ZC3H7B: variants seen among roughly 807,000 people sequenced by gnomAD.
The protein encoded by ZC3H7B is zinc finger CCCH domain-containing protein 7B.
A neutral mutation model predicts 116.0 loss-of-function variants in ZC3H7B; 35 were observed. That is an observed-to-expected ratio of 0.30 (90% CI 0.23 to 0.40). The LOEUF (loss-of-function observed/expected upper bound fraction) is 0.40. Ranked by LOEUF, ZC3H7B falls within the 10% of genes least tolerant of loss-of-function variation. The pLI, the probability that ZC3H7B is intolerant of heterozygous loss-of-function variation, is 1.00. For synonymous variants in ZC3H7B, 502 were observed against 545.6 expected, an observed-to-expected ratio of 0.92 and a Z score of 1.11; for missense variants, 1,011 against 1,321.5, an observed-to-expected ratio of 0.77 and a Z score of 3.64.
chr22:41,312,124 T>G (rs1268980261), intron 1 of ZC3H7B, among the ~76,000 whole-genome samples: 1 of 142,082 alleles, frequency 7.0e-6, no homozygotes, highest in East Asian at 2.1e-4. Flanking sequence ...GCCACTGCAC[T>G]CCAGCTTGGG....
chr22:41,317,796 T>A (rs536119389), intron 1 of ZC3H7B, among the ~76,000 whole-genome samples: 68 of 151,862 alleles, frequency 4.5e-4, no homozygotes, highest in African/African-American at 1.6e-3. Flanking sequence ...AACAAAGAAA[T>A]TTTTTTCCCA....
Position 41,342,645 on chromosome 22 carries a change from A to G in ZC3H7B, c.1297+17A>G. ...CCAAGACAGGTAAACTTTCACCTGT[A>G]GACTCCACCCCTCTGCCCAGAGAAC... On this transcript the variant is annotated intron_variant, in intron 12 of 22. Coordinates refer to ENST00000352645, the MANE Select transcript of ZC3H7B (RefSeq NM_017590.6). The G allele has an allele frequency of 6.2e-7, 1 of 1,600,068 alleles. No homozygotes were observed. The highest frequency in any genetic ancestry group is 1.1e-5 in the South Asian group (1 of 90,668).
In ZC3H7B at chr22:41,356,401, T is replaced by C. The variant is rs542317531; in HGVS notation, c.2442T>C (p.Pro814=). Reference sequence around the variant, plus strand: ...TGAAAAAACACAACCCAGGAAAGCCTGGAGAAGGGACCCCCATCAGTTCTC... The same window carrying C: ...TGAAAAAACACAACCCAGGAAAGCCCGGAGAAGGGACCCCCATCAGTTCTC... ...MWLKKHNPGK[P]GEGTPISSRE... Residue 814 remains proline, a synonymous_variant, in exon 21 of 23, where the codon CCT becomes CCC. Coordinates refer to ENST00000352645, the MANE Select transcript of ZC3H7B (RefSeq NM_017590.6). The C allele has an allele frequency of 2.2e-5, 36 of 1,613,916 alleles. 1 individual carries two copies. In the South Asian group the frequency reaches 3.7e-4, roughly 17 times the overall value.
At chr22:41,348,943 G>A (rs2036622711) in intron 15 of ZC3H7B, among the ~76,000 whole-genome samples, 177 bp from the exon 16 acceptor site, 1 of 152,138 alleles carries the variant, frequency 6.6e-6, no homozygotes, top group African/African-American at 2.4e-5. Flanking sequence ...CAGGCCCAGG[G>A]GTGCCTGAGC....
intron 2 of ZC3H7B, among the ~76,000 whole-genome samples, chr22:41,322,116 G>T (rs534035121): frequency 5.3e-4 from 81 of 151,582 alleles, no homozygotes; most frequent in Non-Finnish European, 5.0e-4. Flanking sequence ...TGGGATTACA[G>T]GCGTGAGCCA....
chr22:41,359,669 C>A lies in ZC3H7B; in HGVS notation c.*2240C>A, dbSNP rs1601802838. On this transcript the variant is annotated 3_prime_UTR_variant, in exon 23 of 23. Coordinates refer to ENST00000352645, the MANE Select transcript of ZC3H7B (RefSeq NM_017590.6). ...TTCAGCCTGTGATCTGTCCAGGGAC[C>A]CTTGGGATCTGGGGCTTCCTGGCCT... 6.6e-6 allele frequency: 1 copy of A among 152,194 alleles called. No homozygotes were observed. The highest frequency in any genetic ancestry group is 2.1e-4 in the South Asian group (1 of 4,826). The allele number at this position is 152,194 out of a possible 1,614,324, so 9.4% of individuals were successfully genotyped here.
intron 6 of ZC3H7B, among the ~76,000 whole-genome samples, chr22:41,331,036 AT>A (rs2036375525): frequency 6.9e-6 from 1 of 144,980 alleles, no homozygotes; most frequent in African/African-American, 2.5e-5. Flanking sequence ...CGCCCGGCTA[AT>A]TTTTTATATT....
At chr22:41,344,548 G>A (rs1292721530) in intron 13 of ZC3H7B, among the ~76,000 whole-genome samples, 3 of 152,164 alleles carry the variant, frequency 2.0e-5, no homozygotes, top group Non-Finnish European at 4.4e-5. Flanking sequence ...AGCACCGCCT[G>A]AATCTTGGGA....
chr22:41,343,314 A>T, intron 12 of ZC3H7B, 101 bp from the exon 13 acceptor site: 1 of 1,449,404 alleles, frequency 6.9e-7, no homozygotes, highest in East Asian at 2.3e-5. Flanking sequence ...GGAGGTAGGT[A>T]TATAAGGAGG....
At position 41,339,003 on chromosome 22, in the gene ZC3H7B, T is replaced by G; in HGVS notation, c.628T>G (p.Cys210Gly). 7.6e-6 allele frequency: 12 copies of G among 1,576,444 alleles called. No homozygotes were observed. The highest frequency in any genetic ancestry group is 1.0e-5 in the Non-Finnish European group (12 of 1,157,882). ...GCTCTTGCCCACCCCATCCGCAGACTGCTACGTGGACCCTCGAGGCTCCCC... is the reference window on the plus strand; with the variant it reads ...GCTCTTGCCCACCCCATCCGCAGACGGCTACGTGGACCCTCGAGGCTCCCC... ...LGSIDDIETD[C>G]YVDPRGSPAL... The change falls in exon 9 of 23, where the codon TGC (cysteine) becomes GGC (glycine). Residue 210 changes from cysteine (C) to glycine (G), a missense_variant and splice_region_variant. Transcript: ENST00000352645.
rs71847593 is a variant in ZC3H7B at position 41,321,213 on chromosome 22, A to ATTT, written c.53+518_53+520dup. On this transcript the variant is annotated intron_variant, in intron 2 of 22. Coordinates refer to ENST00000352645, the MANE Select transcript of ZC3H7B (RefSeq NM_017590.6). ...AGGTGCACACCACCATACCCAGCTA[A>ATTT]TTTTTTTTTTTTTTTTTTTTGAGAC... 1.0e-3 allele frequency among the ~76,000 whole-genome samples: 132 copies of ATTT among 129,828 alleles called. 2 individuals are homozygous for ATTT. The highest frequency in any genetic ancestry group is 3.5e-3 in the African/African-American group (119 of 34,208). 85.2% of individuals were successfully genotyped at this position (129,828 alleles called of 152,430 possible).
chr22:41,318,255 C>T (rs1209859258), intron 1 of ZC3H7B, among the ~76,000 whole-genome samples: 2 of 151,666 alleles, frequency 1.3e-5, no homozygotes, highest in Admixed American at 1.3e-4. Flanking sequence ...AGAGGCTGGG[C>T]GCGGTGGCTC....
rs2036327674 is a variant in ZC3H7B at position 41,327,006 on chromosome 22, C to CT, written c.286-200_286-199insT. Among the ~76,000 whole-genome samples, 1 of 152,238 alleles carries CT rather than the reference C, an allele frequency of 6.6e-6. No homozygotes were observed. Among genetic ancestry groups the CT allele is most frequent in the Non-Finnish European group, 1.5e-5 (1 of 68,040 alleles). On this transcript the variant is annotated intron_variant, in intron 4 of 22. Transcript: ENST00000352645. The surrounding 1 kb of genome is among the most constrained non-coding windows in gnomAD (Gnocchi z 4.5). ...ACTGCAGCCCCATCAGCTGGACACA[C>CT]AGACACCCTTGATCAGAGTCTGGAC...
chr22:41,340,129 C>T lies in ZC3H7B; in HGVS notation c.1130C>T (p.Ser377Phe). Residue 377 changes from serine to phenylalanine, a missense_variant, in exon 10 of 23, where the codon TCC (serine) becomes TTC (phenylalanine). By Grantham distance (155) the Ser-to-Phe change is radical (BLOSUM62 -2). Transcript: ENST00000352645. ...STRGSLDKPD[S>F]FMEETNSQDH... The stretch of plus-strand genomic sequence containing the variant: ...CGAGGCTCCCTGGACAAACCTGACT[C>T]CTTCATGGGTAAGGCCATGGGTGGG... The T allele has an allele frequency of 1.2e-6, 2 of 1,602,916 alleles. No homozygotes were observed. The highest frequency in any genetic ancestry group is 1.7e-6 in the Non-Finnish European group (2 of 1,174,070).
At chr22:41,352,388 T>A (rs918857731) in intron 17 of ZC3H7B, among the ~76,000 whole-genome samples, 5 of 152,326 alleles carry the variant, frequency 3.3e-5, no homozygotes, top group Non-Finnish European at 1.5e-5. Flanking sequence ...TAAACATTTC[T>A]CTATTGTAAA....
At position 41,357,607 on chromosome 22, in the gene ZC3H7B, G is replaced by A. The variant is rs1028847073; in HGVS notation, c.*178G>A. ...CCACCGCCCCGGTGTGCGTACCCAG[G>A]CGCACGTGCTGCAGCCCCCGGAGGC... On this transcript the variant is annotated 3_prime_UTR_variant, in exon 23 of 23. Transcript: ENST00000352645. The surrounding 1 kb of genome is among the most constrained non-coding windows in gnomAD (Gnocchi z 5.4). 3.4e-6 allele frequency: 3 copies of A among 888,172 alleles called. No homozygotes were observed. The African/African-American group carries it at 5.1e-5, about 15-fold the overall frequency. 55.0% of individuals were successfully genotyped at this position (888,172 alleles called of 1,614,324 possible).
At chr22:41,354,737 C>T (rs985316020) in intron 17 of ZC3H7B, among the ~76,000 whole-genome samples, 2 of 152,144 alleles carry the variant, frequency 1.3e-5, no homozygotes, top group African/African-American at 4.8e-5. Context: ...TACCTCTGGC[C>T]CCCAACCCTG....
chr22:41,325,764 A>G lies in ZC3H7B; in HGVS notation c.131A>G (p.Asn44Ser). The stretch of plus-strand genomic sequence containing the variant: ...GTGCAGAATCTGTTTGCTGAGGGCA[A>G]TGATCTGTTCCGGGAGAAGGACTAT... The part of the protein sequence containing the change: ...KLVQNLFAEG[N>S]DLFREKDYKQ... Residue 44 changes from asparagine (N) to serine (S), a missense_variant, in exon 4 of 23, where the codon AAT becomes AGT. By Grantham distance (46) the Asn-to-Ser change is conservative. Coordinates refer to ENST00000352645, the MANE Select transcript of ZC3H7B (RefSeq NM_017590.6). 1 of 1,613,988 alleles carries G rather than the reference A, an allele frequency of 6.2e-7. No homozygotes were observed. The highest frequency in any genetic ancestry group is 8.5e-7 in the Non-Finnish European group (1 of 1,179,992).
At chr22:41,340,172 G>A (rs765592691) in intron 10 of ZC3H7B, 35 bp downstream of exon 10, 34 of 1,563,290 alleles carry the variant, frequency 2.2e-5, no homozygotes, top group Non-Finnish European at 2.9e-5. Flanking sequence ...AACCTCCCTG[G>A]ACAGGTTGCA....
Sources: gnomAD v4.1 joint callset for allele counts (sites outside exome capture counted in the v4.1 genomes callset) on GRCh38, gnomAD v4.1.1 for gene constraint, Gnocchi (gnomAD v3.1) non-coding constraint, MANE v1.5 for transcripts, NCBI Gene and HGNC (gene_info 2026-07-23, HGNC 2026-07-21) for gene names.